The following OSBPL6 variants were observed in gnomAD, a reference collection of about 807,000 sequenced individuals.
OSBPL6 encodes oxysterol binding protein like 6, also known as oxysterol-binding protein-related protein 6.
Under a neutral mutation model 125.8 loss-of-function variants are expected in OSBPL6, and 49 were observed. The observed-to-expected ratio is 0.39, with a 90% confidence interval of 0.31 to 0.49. The LOEUF (loss-of-function observed/expected upper bound fraction) is 0.49. OSBPL6 is among the 20% of genes least tolerant of loss of function. The probability of loss-of-function intolerance (pLI) is 0.88; values close to 1 mark genes in which losing one functional copy is unlikely to be tolerated. For synonymous variants in OSBPL6, 394 were observed against 391.8 expected, an observed-to-expected ratio of 1.01 and a Z score of -0.07; for missense variants, 986 against 1,135.4, an observed-to-expected ratio of 0.87 and a Z score of 1.89.
intron 12 of OSBPL6, 115 bp downstream of exon 12, chr2:178,349,504 A>G: frequency 3.9e-6 from 5 of 1,281,168 alleles, no homozygotes; most frequent in Non-Finnish European, 5.3e-6. Flanking sequence ...ATGGTTGGAT[A>G]TAGTGGTTGA....
intron 1 of OSBPL6, among the ~76,000 whole-genome samples, chr2:178,208,072 G>T (rs2089632473): frequency 6.6e-6 from 1 of 152,036 alleles, no homozygotes; most frequent in Admixed American, 6.6e-5. Context: ...ATCACCTGAG[G>T]TCAGGAGTTC....
At chr2:178,289,725 C>G (rs1330844165) in intron 2 of OSBPL6, among the ~76,000 whole-genome samples, 1 of 152,146 alleles carries the variant, frequency 6.6e-6, no homozygotes, top group Non-Finnish European at 1.5e-5. Context: ...CTAGAATATT[C>G]CCTTTCTTTT....
intron 2 of OSBPL6, among the ~76,000 whole-genome samples, chr2:178,303,901 C>T (rs1260954935): frequency 2.0e-5 from 3 of 152,050 alleles, no homozygotes; most frequent in Non-Finnish European, 2.9e-5. Context: ...TGGAGTCTCC[C>T]CACAGCTGCC....
At chr2:178,253,012 C>T (rs1299697205) in intron 1 of OSBPL6, among the ~76,000 whole-genome samples, 1 of 151,908 alleles carries the variant, frequency 6.6e-6, no homozygotes, top group Admixed American at 6.6e-5. Flanking sequence ...ATTCAAACCA[C>T]TGTATTTTAT....
Position 178,358,196 on chromosome 2 carries a change from C to T in OSBPL6, c.1154-3486C>T, listed in dbSNP as rs187039837. ...TGTATACCTATGTACCAAACCTGCA[C>T]GTTGTGCACATGTACCCTAGAATTT... is the stretch of plus-strand genomic sequence containing the variant. On this transcript the variant is annotated intron_variant, in intron 12 of 24. Coordinates refer to ENST00000190611, the MANE Select transcript of OSBPL6 (RefSeq NM_032523.4). Among the ~76,000 whole-genome samples, 1,002 of 152,018 alleles carry T rather than the reference C, an allele frequency of 6.6e-3. 4 individuals are homozygous for T. The highest frequency in any genetic ancestry group is 0.015 in the South Asian group (74 of 4,804).
At chr2:178,334,688 C>T (rs1353716931) in intron 8 of OSBPL6, among the ~76,000 whole-genome samples, 1 of 152,056 alleles carries the variant, frequency 6.6e-6, no homozygotes, top group African/African-American at 2.4e-5. Context: ...TACCACCACA[C>T]CCAGCTCATT....
intron 11 of OSBPL6, among the ~76,000 whole-genome samples, chr2:178,341,899 A>C (rs983725415): frequency 6.6e-6 from 1 of 152,020 alleles, no homozygotes; most frequent in South Asian, 2.1e-4. Flanking sequence ...GATCCTTCAA[A>C]ATTCACACTT....
At chr2:178,245,548 A>G (rs968355966) in intron 1 of OSBPL6, among the ~76,000 whole-genome samples, 5 of 152,322 alleles carry the variant, frequency 3.3e-5, no homozygotes, top group African/African-American at 1.2e-4. Flanking sequence ...ACAAAATACT[A>G]TGTTAGACCC....
rs935871055 is a variant in OSBPL6 at position 178,397,617 on chromosome 2, A to G, written c.*2058A>G. ...TAGCACTTCCCTGAACAGTCTCAAA[A>G]TAGCCTAAACATAAGAAAACAATCC... On this transcript the variant is annotated 3_prime_UTR_variant, in exon 25 of 25. Coordinates refer to ENST00000190611, the MANE Select transcript of OSBPL6 (RefSeq NM_032523.4). 1 of 152,160 alleles carries G rather than the reference A, an allele frequency of 6.6e-6. No homozygotes were observed. The highest frequency in any genetic ancestry group is 2.4e-5 in the African/African-American group (1 of 41,424). 9.4% of individuals were successfully genotyped at this position (152,160 alleles called of 1,614,324 possible).
intron 3 of OSBPL6, among the ~76,000 whole-genome samples, chr2:178,319,843 G>T (rs982362435): frequency 2.6e-5 from 4 of 152,078 alleles, no homozygotes; most frequent in African/African-American, 9.7e-5. Flanking sequence ...AAATTATTTT[G>T]GATATTTTTC....
chr2:178,309,301 CG>C (rs1559228948), intron 3 of OSBPL6, among the ~76,000 whole-genome samples: 2 of 152,102 alleles, frequency 1.3e-5, no homozygotes, highest in African/African-American at 4.8e-5. Context: ...TGTGAGCTCT[CG>C]TATACAGACT....
At chr2:178,300,471 G>A (rs777624148) in intron 2 of OSBPL6, among the ~76,000 whole-genome samples, 17 of 152,208 alleles carry the variant, frequency 1.1e-4, no homozygotes, top group Non-Finnish European at 1.9e-4. Context: ...TTTACAGCGG[G>A]GGCAGCGGGG....
chr2:178,296,342 TG>T (rs1685750419), intron 2 of OSBPL6, among the ~76,000 whole-genome samples: 1 of 152,136 alleles, frequency 6.6e-6, no homozygotes, highest in Admixed American at 6.5e-5. Flanking sequence ...GTTTTATAGA[TG>T]AGGAAACTGA....
At chr2:178,362,765 G>A (rs1442308605) in intron 13 of OSBPL6, among the ~76,000 whole-genome samples, 1 of 152,146 alleles carries the variant, frequency 6.6e-6, no homozygotes, top group Non-Finnish European at 1.5e-5. Context: ...TCATGTCATG[G>A]ATGTTGTTAT....
intron 12 of OSBPL6, among the ~76,000 whole-genome samples, chr2:178,352,927 C>T (rs1011228814): frequency 6.6e-6 from 1 of 152,192 alleles, no homozygotes; most frequent in African/African-American, 2.4e-5. Flanking sequence ...TGTTCTGCAG[C>T]CTCCACTGTT....
intron 1 of OSBPL6, among the ~76,000 whole-genome samples, chr2:178,232,010 T>A (rs1574563761): frequency 6.6e-6 from 1 of 152,196 alleles, no homozygotes; most frequent in Non-Finnish European, 1.5e-5. Flanking sequence ...TCTTAAACTG[T>A]ACTCCTATGC....
At chr2:178,267,531 A>G (rs1244639436) in intron 1 of OSBPL6, among the ~76,000 whole-genome samples, 1 of 152,148 alleles carries the variant, frequency 6.6e-6, no homozygotes, top group Non-Finnish European at 1.5e-5. Context: ...GTTGTAGGAT[A>G]TATGTAAGTA....
intron 19 of OSBPL6, among the ~76,000 whole-genome samples, chr2:178,386,078 T>C (rs1240222077): frequency 6.6e-6 from 1 of 152,246 alleles, no homozygotes; most frequent in Non-Finnish European, 1.5e-5. Flanking sequence ...AGAATATTTA[T>C]GTAAATGTGA....
chr2:178,267,293 G>C (rs946058723), intron 1 of OSBPL6, among the ~76,000 whole-genome samples: 12 of 145,496 alleles, frequency 8.2e-5, no homozygotes, highest in Admixed American at 2.1e-4. Flanking sequence ...GGCGGAGGTT[G>C]CAGTGAGCTG....
Sources: gnomAD v4.1 joint callset for allele counts (sites outside exome capture counted in the v4.1 genomes callset) on GRCh38, gnomAD v4.1.1 for gene constraint, MANE v1.5 for transcripts, NCBI Gene and HGNC (gene_info 2026-07-23, HGNC 2026-07-21) for gene names.